Variants in DNASE1 observed in about 807,000 individuals in gnomAD.
DNASE1 encodes the protein deoxyribonuclease 1.
A neutral mutation model predicts 33.9 loss-of-function variants in DNASE1; 40 were observed. That is an observed-to-expected ratio of 1.18 (90% CI 0.92 to 1.54). DNASE1 has a LOEUF of 1.54. Among genes scored for constraint, DNASE1 ranks in the 40% most tolerant of loss-of-function variants. DNASE1 has a pLI of 0.00. For missense variants in DNASE1, 518 were observed against 372.6 expected (o/e 1.39, Z -3.21); for synonymous variants, 216 against 160.0 (o/e 1.35, Z -2.64).
rs1297045011 is a variant in DNASE1, at chr16:3,663,718, C to T, written c.*5765C>T. The T allele has an allele frequency of 2.4e-5, 20 of 849,442 alleles. 1 individual carries two copies. The highest frequency in any genetic ancestry group is 2.3e-4 in the South Asian group (13 of 57,016). 52.6% of individuals were successfully genotyped at this position (849,442 alleles called of 1,614,324 possible). Reference sequence around the variant, plus strand: ...TCCTAGGCCTGCATGACAGTTACTACGACACCTGGGTCTAAGGAAGGCTCT... The same window carrying T: ...TCCTAGGCCTGCATGACAGTTACTATGACACCTGGGTCTAAGGAAGGCTCT... On this transcript the variant is annotated 3_prime_UTR_variant, in exon 10 of 10. Transcript: ENST00000407479.
At chr16:3,628,414 A>C (rs538453156) in intron 1 of DNASE1, among the ~76,000 whole-genome samples, 2 of 152,068 alleles carry the variant, frequency 1.3e-5, no homozygotes, top group East Asian at 3.9e-4. Context: ...ATTTGGATAT[A>C]TATTTTTTTC....
At chr16:3,612,761 C>T (rs917163395) in intron 1 of DNASE1, among the ~76,000 whole-genome samples, 1 of 152,100 alleles carries the variant, frequency 6.6e-6, no homozygotes, top group African/African-American at 2.4e-5. Flanking sequence ...GAGGCAAGGA[C>T]ACCCATTAGG....
At chr16:3,658,530 A>G (rs2042858857), downstream of DNASE1, 1 of 567,490 alleles carries the variant, frequency 1.8e-6, no homozygotes, top group African/African-American at 1.9e-5. Context: ...TAAAATACAA[A>G]ATTAGCCAGG....
At chr16:3,655,175 T>C (rs961437458) in intron 1 of DNASE1, 131 bp downstream of exon 1, 2 of 698,898 alleles carry the variant, frequency 2.9e-6, no homozygotes, top group Admixed American at 5.7e-5. Flanking sequence ...TTCTGGTGGA[T>C]GGAGGAGTGA....
At chr16:3,628,947 G>A (rs1186326230) in intron 1 of DNASE1, among the ~76,000 whole-genome samples, 2 of 148,284 alleles carry the variant, frequency 1.3e-5, no homozygotes, top group Non-Finnish European at 3.0e-5. Flanking sequence ...CGAGGCGGGC[G>A]GATCACTTGA....
chr16:3,647,104 C>T (rs555254699), intron 1 of DNASE1, among the ~76,000 whole-genome samples: 3 of 152,168 alleles, frequency 2.0e-5, no homozygotes, highest in Admixed American at 6.5e-5. Flanking sequence ...CGTGACCAGA[C>T]GGTGTTTCTA....
chr16:3,617,356 ATAC>A lies in DNASE1; in HGVS notation c.-1359+5354_-1359+5356del, dbSNP rs1223475754. ...AAAAAAAAAAAAAAAAAAAAAAAGAATACTACAAGGGTAAATCTTTATGACCTT... is the reference window on the plus strand; with the variant it reads ...AAAAAAAAAAAAAAAAAAAAAAAGAATACAAGGGTAAATCTTTATGACCTT... On this transcript the variant is annotated intron_variant and NMD_transcript_variant, in intron 1 of 11. Coordinates refer to the DNASE1 transcript ENST00000570769. 5.5e-4 allele frequency among the ~76,000 whole-genome samples: 82 copies of A among 149,050 alleles called. 2 individuals carry two copies. Among genetic ancestry groups the A allele is most frequent in the Admixed American group, 4.1e-3 (61 of 14,836 alleles).
chr16:3,651,626 G>C (rs552416957), upstream of DNASE1: 1 of 152,358 alleles, frequency 6.6e-6, no homozygotes, highest in Non-Finnish European at 1.5e-5. Flanking sequence ...CTTGGCCTTA[G>C]GGCGGCACGT....
intron 1 of DNASE1, among the ~76,000 whole-genome samples, chr16:3,648,041 A>G (rs2151200639): frequency 6.6e-6 from 1 of 152,236 alleles, no homozygotes; most frequent in East Asian, 1.9e-4. Context: ...GGTGGCGCAC[A>G]TCCGTAATCC....
At position 3,654,820 on chromosome 16, in the gene DNASE1, G is replaced by T; in HGVS notation, c.-226G>T. On this transcript the variant is annotated 5_prime_UTR_variant, in exon 1 of 9. An upstream open reading frame in the 5' UTR gains an earlier in-frame stop. Transcript: ENST00000246949. ...GGTGACGGCTCACATTTGCCCCAGGGAAGGTCACAGCTGCCTGAACTTTTA... is the reference window on the plus strand; with the variant it reads ...GGTGACGGCTCACATTTGCCCCAGGTAAGGTCACAGCTGCCTGAACTTTTA... 2.5e-6 allele frequency: 1 copy of T among 403,374 alleles called. No individual in the cohort carries two copies. The allele number at this position is 403,374 out of a possible 1,614,324, so 25.0% of individuals were successfully genotyped here.
At chr16:3,618,947 G>T (rs2041205028) in intron 1 of DNASE1, among the ~76,000 whole-genome samples, 1 of 151,928 alleles carries the variant, frequency 6.6e-6, no homozygotes, top group Non-Finnish European at 1.5e-5. Context: ...GCCTCAGACT[G>T]CCAGGGATCA....
intron 1 of DNASE1, among the ~76,000 whole-genome samples, chr16:3,636,696 C>G (rs181689327): frequency 9.9e-5 from 15 of 151,544 alleles, no homozygotes; most frequent in Non-Finnish European, 1.3e-4. Context: ...GGCACACGCC[C>G]GTAATCCCAG....
intron 1 of DNASE1, among the ~76,000 whole-genome samples, chr16:3,629,029 G>A (rs887727144): frequency 2.0e-5 from 3 of 150,528 alleles, no homozygotes; most frequent in African/African-American, 4.9e-5. Context: ...AACATTTGCC[G>A]GGTGTGATGG....
At chr16:3,615,066 A>T (rs1214676181) in intron 1 of DNASE1, among the ~76,000 whole-genome samples, 3 of 148,458 alleles carry the variant, frequency 2.0e-5, no homozygotes, top group Admixed American at 6.8e-5. Context: ...CACCTGTGGA[A>T]TTTTTTTTTT....
chr16:3,655,949 T>TG lies in DNASE1; in HGVS notation c.236+14dup, dbSNP rs1292651150. 5 of 1,613,468 alleles carry TG rather than the reference T, an allele frequency of 3.1e-6. No individual in the cohort carries two copies. In the African/African-American group the frequency reaches 5.3e-5, roughly 17 times the overall value. The stretch of plus-strand genomic sequence containing the variant: ...GACAACCTCAATCAGTGGGTGACAG[T>TG]GGCAGGGTCATAGGAAGGTGACATC... On this transcript the variant is annotated intron_variant, in intron 3 of 8. Coordinates refer to ENST00000246949, the MANE Select transcript of DNASE1 (RefSeq NM_005223.4).
chr16:3,625,469 T>A (rs1454972463), intron 1 of DNASE1, among the ~76,000 whole-genome samples: 1 of 151,854 alleles, frequency 6.6e-6, no homozygotes, highest in East Asian at 1.9e-4. Flanking sequence ...AAAAATTGTT[T>A]AAATAAAATT....
At chr16:3,663,151 A>G in exon 10 of DNASE1, 1 of 662,082 alleles carries the variant, frequency 1.5e-6, no homozygotes, top group East Asian at 2.7e-5. Flanking sequence ...TGAGGCCCAT[A>G]CAACTTGGTT....
intron 1 of DNASE1, among the ~76,000 whole-genome samples, chr16:3,625,507 T>C (rs1055468260): frequency 1.3e-5 from 2 of 151,516 alleles, no homozygotes; most frequent in Non-Finnish European, 2.9e-5. Context: ...ATGCCTCTAC[T>C]CCCAGCTATT....
intron 1 of DNASE1, among the ~76,000 whole-genome samples, chr16:3,644,502 G>T (rs900681319): frequency 1.3e-5 from 2 of 152,096 alleles, no homozygotes; most frequent in East Asian, 3.9e-4. Flanking sequence ...GGCAGAGGTT[G>T]CAGTGAGCCA....
Sources: gnomAD v4.1 joint callset for allele counts (sites outside exome capture counted in the v4.1 genomes callset) on GRCh38, gnomAD v4.1.1 for gene constraint, MANE v1.5 for transcripts, NCBI Gene and HGNC (gene_info 2026-07-23, HGNC 2026-07-21) for gene names.